Variants in ANKRD36C observed in about 807,000 individuals in gnomAD.
ANKRD36C encodes the protein ankyrin repeat domain-containing protein 36C.
A neutral mutation model predicts 276.4 loss-of-function variants in ANKRD36C; 61 were observed. That is an observed-to-expected ratio of 0.22 (90% confidence interval 0.18 to 0.27). The LOEUF (loss-of-function observed/expected upper bound fraction) is 0.27. Among genes scored for constraint, ANKRD36C ranks in the 10% least tolerant of loss-of-function variants. The probability of loss-of-function intolerance (pLI) is 1.00; values close to 1 mark genes in which losing one functional copy is unlikely to be tolerated. For missense variants in ANKRD36C, 1,447 were observed against 2,032.3 expected, an observed-to-expected ratio of 0.71 and a Z score of 5.54; for synonymous variants, 483 against 680.1, an observed-to-expected ratio of 0.71 and a Z score of 4.51.
chr2:95,884,293 T>C (rs755767924), intron 53 of ANKRD36C, 47 bp downstream of exon 73: 12 of 1,610,242 alleles, frequency 7.5e-6, no homozygotes, highest in Non-Finnish European at 1.0e-5. Context: ...GTATGTTTCA[T>C]AGACTATACA....
intron 6 of ANKRD36C, among the ~76,000 whole-genome samples, chr2:95,967,140 G>A (rs1021321821): frequency 5.9e-5 from 9 of 152,084 alleles, no homozygotes; most frequent in African/African-American, 2.2e-4. Context: ...TTTGAATACC[G>A]TTTATTTCTT....
chr2:95,908,784 G>A (rs1676823601), intron 42 of ANKRD36C, 87 bp from the exon 47 acceptor site: 1 of 1,524,624 alleles, frequency 6.6e-7, no homozygotes, highest in Non-Finnish European at 8.9e-7. Flanking sequence ...ATCAACCTCT[G>A]TCCTCCTGCC....
intron 6 of ANKRD36C, among the ~76,000 whole-genome samples, chr2:95,971,846 G>A (rs1014075710): frequency 1.1e-4 from 16 of 151,792 alleles, no homozygotes; most frequent in African/African-American, 3.4e-4. Context: ...AAGGTTAATC[G>A]AATAAGAACA....
At chr2:95,874,075 A>T (rs1310058945) in intron 59 of ANKRD36C, among the ~76,000 whole-genome samples, 1 of 152,128 alleles carries the variant, frequency 6.6e-6, no homozygotes, top group Admixed American at 6.5e-5. Context: ...GGTAGGAAGA[A>T]TCAGTATGGT....
intron 30 of ANKRD36C, among the ~76,000 whole-genome samples, chr2:95,924,968 C>A (rs1457237308): frequency 6.6e-6 from 1 of 151,564 alleles, no homozygotes; most frequent in Non-Finnish European, 1.5e-5. Context: ...GTTATTATAA[C>A]AATTTCCTCC....
At chr2:95,902,264 A>C (rs1249426466) in intron 42 of ANKRD36C, among the ~76,000 whole-genome samples, 1 of 149,104 alleles carries the variant, frequency 6.7e-6, no homozygotes, top group Non-Finnish European at 1.5e-5. Flanking sequence ...TATTCCAATT[A>C]TACCATTGTT....
At chr2:95,891,044 T>C (rs1482278771) in intron 46 of ANKRD36C, among the ~76,000 whole-genome samples, 1 of 151,474 alleles carries the variant, frequency 6.6e-6, no homozygotes, top group Non-Finnish European at 1.5e-5. Flanking sequence ...ATTCCAATTA[T>C]ACCATTGTTT....
chr2:95,893,502 A>G (rs773718117), intron 44 of ANKRD36C, 31 bp downstream of exon 64: 2 of 1,537,172 alleles, frequency 1.3e-6, no homozygotes, highest in South Asian at 2.4e-5. Context: ...ATCTGGACTG[A>G]ACATGACATT....
At chr2:95,952,262 T>C (rs1406927234) in intron 14 of ANKRD36C, among the ~76,000 whole-genome samples, 1 of 152,308 alleles carries the variant, frequency 6.6e-6, no homozygotes, top group Non-Finnish European at 1.5e-5. Flanking sequence ...TGGTTAGCAT[T>C]TACTCGACAA....
chr2:95,861,499 AT>A (rs1359676310), intron 60 of ANKRD36C, among the ~76,000 whole-genome samples: 1 of 151,860 alleles, frequency 6.6e-6, no homozygotes, highest in African/African-American at 2.4e-5. Flanking sequence ...TATCATTGTC[AT>A]TTTTTATACC....
intron 5 of ANKRD36C, among the ~76,000 whole-genome samples, 191 bp downstream of exon 5, chr2:95,980,457 T>C (rs1678893608): frequency 6.6e-6 from 1 of 152,110 alleles, no homozygotes. Context: ...TACTGCTACT[T>C]ACCTAGCCTT....
intron 60 of ANKRD36C, among the ~76,000 whole-genome samples, chr2:95,861,603 G>A (rs989560451): frequency 1.3e-5 from 2 of 151,386 alleles, no homozygotes; most frequent in Admixed American, 6.6e-5. Context: ...AACAGTTATC[G>A]CTAATAAACC....
rs1298697909 is a variant in ANKRD36C, at chr2:95,903,034, T to C, written c.2654-3698A>G. The C allele has an allele frequency of 1.9e-6, 3 of 1,570,182 alleles. No homozygotes were observed. Among genetic ancestry groups the C allele is most frequent in the Non-Finnish European group, 2.6e-6 (3 of 1,156,496 alleles). On this transcript the variant is annotated intron_variant, in intron 42 of 66. Transcript: ENST00000456556. ...ACTATACATTTACTAGTTCACAATATAAATGACAGTTTCATTACCTTCAAG... is the reference window on the plus strand; with the variant it reads ...ACTATACATTTACTAGTTCACAATACAAATGACAGTTTCATTACCTTCAAG...
intron 60 of ANKRD36C, among the ~76,000 whole-genome samples, chr2:95,861,200 TA>T (rs1553397328): frequency 6.6e-6 from 1 of 151,404 alleles, no homozygotes; most frequent in Admixed American, 6.6e-5. Flanking sequence ...GGTTTTTTTT[TA>T]AAAAAAACAC....
chr2:95,933,461 G>C (rs1677624435), intron 24 of ANKRD36C, among the ~76,000 whole-genome samples: 1 of 152,148 alleles, frequency 6.6e-6, no homozygotes, highest in South Asian at 2.1e-4. Context: ...TTGAGCAGTG[G>C]TTTGTAGTGT....
chr2:95,873,673 G>T (rs1255555854), intron 59 of ANKRD36C, among the ~76,000 whole-genome samples: 1 of 152,224 alleles, frequency 6.6e-6, no homozygotes, highest in Non-Finnish European at 1.5e-5. Context: ...GGAAGTTCTG[G>T]CCAGGGCCAT....
intron 42 of ANKRD36C, among the ~76,000 whole-genome samples, chr2:95,910,869 C>T (rs1203480799): frequency 6.6e-6 from 1 of 151,418 alleles, no homozygotes; most frequent in East Asian, 2.0e-4. Context: ...CAAATGTGAT[C>T]TAAAATCAGA....
chr2:95,883,120 C>G (rs1199815472), intron 54 of ANKRD36C, among the ~76,000 whole-genome samples: 7 of 152,050 alleles, frequency 4.6e-5, no homozygotes, highest in African/African-American at 7.2e-5. Context: ...GTTGTGTCCT[C>G]TAGTTTATGC....
chr2:95,943,483 C>CA (rs199616343), intron 19 of ANKRD36C, among the ~76,000 whole-genome samples: 1,546 of 132,262 alleles, frequency 0.012, 13 homozygotes, highest in East Asian at 0.056. Context: ...GACTCCGTCT[C>CA]AAAAAAAAAA....
Sources: gnomAD v4.1 joint callset for allele counts (sites outside exome capture counted in the v4.1 genomes callset) on GRCh38, gnomAD v4.1.1 for gene constraint, MANE v1.5 for transcripts, NCBI Gene and HGNC (gene_info 2026-07-23, HGNC 2026-07-21) for gene names.